The following CNTN4 variants were observed in gnomAD, a reference collection of about 807,000 sequenced individuals.
The protein encoded by CNTN4 is contactin 4, also known as contactin-4.
In CNTN4, 77 loss-of-function variants were observed where a neutral mutation model predicts 122.5. The ratio of observed to expected loss-of-function variants is 0.63; its 90% CI spans 0.52 to 0.76. The LOEUF (loss-of-function observed/expected upper bound fraction) is 0.76, where lower values mean the gene tolerates loss of function less well. Among genes scored for constraint, CNTN4 ranks in the 30% least tolerant of loss-of-function variants. The probability of loss-of-function intolerance (pLI) is 0.00; values close to 1 mark genes in which losing one functional copy is unlikely to be tolerated. For missense variants in CNTN4, 1,256 were observed against 1,259.1 expected (o/e 1.00, Z 0.04); for synonymous variants, 512 against 447.0 (o/e 1.15, Z -1.83).
At chr3:2,343,047 T>C (rs549479924) in intron 3 of CNTN4, among the ~76,000 whole-genome samples, 1 of 152,344 alleles carries the variant, frequency 6.6e-6, no homozygotes, top group South Asian at 2.1e-4. Flanking sequence ...CACTAAATTG[T>C]GCAGTGAGTG....
At chr3:2,854,331 G>T (rs1388813042) in intron 7 of CNTN4, among the ~76,000 whole-genome samples, 1 of 134,252 alleles carries the variant, frequency 7.4e-6, no homozygotes, top group East Asian at 2.2e-4. Flanking sequence ...GGAGTGCAGT[G>T]GCACAATCTC....
intron 15 of CNTN4, among the ~76,000 whole-genome samples, chr3:3,030,634 G>A (rs150963955): frequency 6.6e-6 from 1 of 152,318 alleles, no homozygotes; most frequent in East Asian, 1.9e-4. Context: ...GAGACTCAGA[G>A]AAGCCAGACA....
chr3:2,228,379 C>T (rs2039365089), intron 2 of CNTN4, among the ~76,000 whole-genome samples: 1 of 152,080 alleles, frequency 6.6e-6, no homozygotes, highest in African/African-American at 2.4e-5. Context: ...TTTATTGGGA[C>T]ACAGTCTCAC....
intron 3 of CNTN4, among the ~76,000 whole-genome samples, chr3:2,499,422 A>T (rs1371423731): frequency 1.3e-5 from 2 of 152,230 alleles, no homozygotes; most frequent in South Asian, 4.1e-4. Flanking sequence ...GTACAACTCC[A>T]TTAACATACT....
chr3:2,602,584 A>G (rs191110528), intron 4 of CNTN4, among the ~76,000 whole-genome samples: 1 of 152,202 alleles, frequency 6.6e-6, no homozygotes, highest in African/African-American at 2.4e-5. Context: ...TCAACAAAAT[A>G]AAAGAGGACA....
chr3:2,111,708 A>G (rs1023536164), intron 2 of CNTN4, among the ~76,000 whole-genome samples: 7 of 152,094 alleles, frequency 4.6e-5, no homozygotes, highest in African/African-American at 1.2e-4. Context: ...TTTTAGCTTC[A>G]TTTTTCTCTT....
intron 2 of CNTN4, among the ~76,000 whole-genome samples, chr3:2,267,223 T>A (rs1015835012): frequency 6.6e-6 from 1 of 152,138 alleles, no homozygotes; most frequent in East Asian, 1.9e-4. Context: ...ATGATACTGC[T>A]TTTTACTCAA....
intron 7 of CNTN4, among the ~76,000 whole-genome samples, chr3:2,854,268 C>CTTTTTTTTTTTTTTTT (rs56147510): frequency 4.4e-5 from 4 of 90,052 alleles, no homozygotes; most frequent in Non-Finnish European, 8.1e-5. Flanking sequence ...CTTTCTTCTT[C>CTTTTTTTTTTTTTTTT]TTTTTTTTTT....
chr3:2,167,391 TAATA>T lies in CNTN4; in HGVS notation c.-145+66758_-145+66761del, dbSNP rs369975401. The stretch of plus-strand genomic sequence containing the variant: ...TACCATTATTACAATACACTTCAAA[TAATA>T]AATAATTAGATGGCACATAGGGCTA... On this transcript the variant is annotated intron_variant, in intron 2 of 24. Coordinates refer to ENST00000418658, the MANE Select transcript of CNTN4 (RefSeq NM_175607.3). Among the ~76,000 whole-genome samples, 63 of 152,162 alleles carry T rather than the reference TAATA, an allele frequency of 4.1e-4. No homozygotes were observed. The South Asian group carries it at 0.013, about 32-fold the overall frequency.
chr3:2,900,078 T>C (rs556358210), intron 10 of CNTN4, among the ~76,000 whole-genome samples: 1 of 152,310 alleles, frequency 6.6e-6, no homozygotes, highest in South Asian at 2.1e-4. Flanking sequence ...CACACAGTCA[T>C]TCATGGTCCA....
chr3:2,311,338 T>G (rs527660063), intron 2 of CNTN4, among the ~76,000 whole-genome samples: 2 of 152,228 alleles, frequency 1.3e-5, no homozygotes, highest in South Asian at 4.1e-4. Flanking sequence ...GTACCTTGAT[T>G]TGTAATTTTA....
chr3:2,779,665 G>A (rs921555559), intron 6 of CNTN4, among the ~76,000 whole-genome samples: 12 of 152,180 alleles, frequency 7.9e-5, no homozygotes, highest in African/African-American at 2.2e-4. Context: ...CAAAAGCTTA[G>A]TGTTCCCTTC....
At chr3:2,150,572 C>T (rs113995942) in intron 2 of CNTN4, among the ~76,000 whole-genome samples, 2 of 152,176 alleles carry the variant, frequency 1.3e-5, no homozygotes, top group Non-Finnish European at 2.9e-5. Flanking sequence ...GCAGCTACTT[C>T]AAAGCTATCT....
intron 2 of CNTN4, among the ~76,000 whole-genome samples, chr3:2,333,993 T>G (rs970030750): frequency 6.6e-6 from 1 of 152,114 alleles, no homozygotes; most frequent in Non-Finnish European, 1.5e-5. Context: ...AGGAGAAATA[T>G]AAGGAAAAGC....
intron 7 of CNTN4, among the ~76,000 whole-genome samples, chr3:2,856,502 A>G (rs1270445327): frequency 6.6e-6 from 1 of 152,190 alleles, no homozygotes; most frequent in Non-Finnish European, 1.5e-5. Flanking sequence ...CTATTTTTCC[A>G]CTATACCTTA....
intron 2 of CNTN4, among the ~76,000 whole-genome samples, chr3:2,287,853 C>CT (rs1272591129): frequency 6.6e-6 from 1 of 152,028 alleles, no homozygotes; most frequent in Admixed American, 6.6e-5. Flanking sequence ...ACTTTGTGAA[C>CT]TATTTATATT....
chr3:3,011,710 G>A (rs1697248557), intron 14 of CNTN4, among the ~76,000 whole-genome samples: 1 of 152,104 alleles, frequency 6.6e-6, no homozygotes, highest in African/African-American at 2.4e-5. Flanking sequence ...GTAAAGTCGA[G>A]GCACATTTTG....
chr3:2,809,038 CATTGGCT>C, intron 6 of CNTN4, among the ~76,000 whole-genome samples: 1 of 152,356 alleles, frequency 6.6e-6, no homozygotes, highest in East Asian at 1.9e-4. Flanking sequence ...CTGTTTTGGG[CATTGGCT>C]ATAGCCTCAT....
At chr3:2,876,673 A>G (rs893967109) in intron 8 of CNTN4, among the ~76,000 whole-genome samples, 1 of 152,174 alleles carries the variant, frequency 6.6e-6, no homozygotes, top group African/African-American at 2.4e-5. Context: ...TCTCTTTCAT[A>G]TTCTCTAAAT....
Sources: allele counts gnomAD v4.1 joint callset (sites outside exome capture counted in the v4.1 genomes callset), GRCh38; gene constraint gnomAD v4.1.1; transcripts MANE v1.5; gene names NCBI Gene and HGNC (gene_info 2026-07-23, HGNC 2026-07-21).